CISD2: variants seen among roughly 807,000 people sequenced by gnomAD.
CISD2 encodes the protein CDGSH iron-sulfur domain-containing protein 2.
In CISD2, 1 loss-of-function variant was observed where a neutral mutation model predicts 12.9. The ratio of observed to expected loss-of-function variants is 0.08; its 90% CI spans 0.03 to 0.37. The LOEUF (loss-of-function observed/expected upper bound fraction) is 0.37, where lower values mean the gene tolerates loss of function less well. Ranked by LOEUF, CISD2 falls within the 10% of genes least tolerant of loss-of-function variation. The pLI, the probability that CISD2 is intolerant of heterozygous loss-of-function variation, is 0.99. For synonymous variants in CISD2, 50 were observed against 60.6 expected (o/e 0.83, Z 0.81); for missense variants, 97 against 163.1 (o/e 0.59, Z 2.21).
Position 102,890,301 on chromosome 4 carries a change from C to T in CISD2, c.*2871C>T, listed in dbSNP as rs776228466. On this transcript the variant is annotated 3_prime_UTR_variant, in exon 3 of 3. Transcript: ENST00000273986. ...CCAGCTGCTGATCTATATAGTACTA[C>T]CTTCCTCATTGTGATTCCATAGTCT... The T allele has an allele frequency of 6.6e-6, 1 of 152,182 alleles. No homozygotes were observed. The highest frequency in any genetic ancestry group is 2.4e-5 in the African/African-American group (1 of 41,442). 9.4% of individuals were successfully genotyped at this position (152,182 alleles called of 1,614,324 possible). A position where few individuals can be genotyped will look rare whatever the true frequency, so the allele number is the denominator to read the frequency against.
chr4:102,886,638 C>T (rs1227932058), intron 2 of CISD2, among the ~76,000 whole-genome samples: 1 of 151,846 alleles, frequency 6.6e-6, no homozygotes, highest in Non-Finnish European at 1.5e-5. Flanking sequence ...TTGCGGGGGA[C>T]AGAGTCTTGC....
chr4:102,869,009 T>C lies in CISD2; in HGVS notation c.-76T>C. ...AGGCCGCCAGTGCCCGCCGGCCGCT[T>C]CCGCTCCCGGCGCAGGCGCGGCAGC... On this transcript the variant is annotated 5_prime_UTR_variant, in exon 1 of 3. Transcript: ENST00000273986. 1 of 1,468,364 alleles carries C rather than the reference T, an allele frequency of 6.8e-7. No homozygotes were observed. The highest frequency in any genetic ancestry group is 9.0e-7 in the Non-Finnish European group (1 of 1,107,590). The allele number at this position is 1,468,364 out of a possible 1,614,324, so 91.0% of individuals were successfully genotyped here. A position where few individuals can be genotyped will look rare whatever the true frequency, so the allele number is the denominator to read the frequency against.
intron 1 of CISD2, among the ~76,000 whole-genome samples, chr4:102,884,554 T>C (rs1733814566): frequency 6.6e-6 from 1 of 152,230 alleles, no homozygotes; most frequent in Non-Finnish European, 1.5e-5. Context: ...GCATAGGGAC[T>C]GTTTCATTTG....
chr4:102,874,241 C>G (rs1441649869), intron 1 of CISD2, among the ~76,000 whole-genome samples: 1 of 151,862 alleles, frequency 6.6e-6, no homozygotes, highest in Non-Finnish European at 1.5e-5. Context: ...AACAGAAAAC[C>G]AAATAACACA....
Position 102,869,122 on chromosome 4 carries a change from A to G in CISD2, c.38A>G (p.Gln13Arg). Residue 13 changes from glutamine (Q) to arginine (R), a missense_variant, in exon 1 of 3, where the codon CAG becomes CGG. Gln to Arg is a conservative substitution (Grantham distance 43). Coordinates refer to ENST00000273986, the MANE Select transcript of CISD2 (RefSeq NM_001008388.5). ...LESVARIVKVQLPAYLKRLPV... is the reference protein window; with the variant it reads ...LESVARIVKVRLPAYLKRLPV... ...AGCGTGGCCCGTATCGTGAAGGTGC[A>G]GCTCCCTGCATATCTGAAGCGGCTC... is the stretch of plus-strand genomic sequence containing the variant. 1 of 1,612,944 alleles carries G rather than the reference A, an allele frequency of 6.2e-7. No homozygotes were observed. Among genetic ancestry groups the G allele is most frequent in the Non-Finnish European group, 8.5e-7 (1 of 1,179,600 alleles).
Position 102,892,034 on chromosome 4 carries a change from A to G in CISD2, c.*4604A>G, listed in dbSNP as rs190764358. 2.8e-4 allele frequency: 42 copies of G among 152,290 alleles called. No individual in the cohort carries two copies. Among genetic ancestry groups the G allele is most frequent in the African/African-American group, 9.6e-4 (40 of 41,566 alleles). 9.4% of individuals were successfully genotyped at this position (152,290 alleles called of 1,614,324 possible). On this transcript the variant is annotated 3_prime_UTR_variant, in exon 3 of 3. Coordinates refer to ENST00000273986, the MANE Select transcript of CISD2 (RefSeq NM_001008388.5). ...TACTGGAAACTTGCTATATTTGATC[A>G]TGTTCAGCAAGTAAACTAATTTTAT... is the stretch of plus-strand genomic sequence containing the variant.
At chr4:102,881,111 A>G (rs1013135389) in intron 1 of CISD2, among the ~76,000 whole-genome samples, 2 of 152,300 alleles carry the variant, frequency 1.3e-5, no homozygotes, top group East Asian at 1.9e-4. Flanking sequence ...AGAGACTAGC[A>G]CATGTAAAAT....
rs750094805 is a variant in CISD2, at chr4:102,869,215, A to G, written c.103+28A>G. 1.9e-6 allele frequency: 3 copies of G among 1,585,594 alleles called. No homozygotes were observed. In the East Asian group the frequency reaches 6.9e-5, roughly 37 times the overall value. On this transcript the variant is annotated intron_variant, in intron 1 of 2. Coordinates refer to ENST00000273986, the MANE Select transcript of CISD2 (RefSeq NM_001008388.5). The stretch of plus-strand genomic sequence containing the variant: ...AATCCTCCCCCATCAGCCAGTCCCC[A>G]TCCTTGCACGTTCGCCAAGCGGGGG...
At chr4:102,876,967 G>C (rs1314274537) in intron 1 of CISD2, among the ~76,000 whole-genome samples, 1 of 152,080 alleles carries the variant, frequency 6.6e-6, no homozygotes, top group Admixed American at 6.5e-5. Context: ...ACAGCATGGG[G>C]AAAACCACTC....
At chr4:102,881,480 T>G (rs1733720461) in intron 1 of CISD2, among the ~76,000 whole-genome samples, 6 of 152,234 alleles carry the variant, frequency 3.9e-5, no homozygotes, top group Admixed American at 3.9e-4. Context: ...ATATCCCAGT[T>G]ACACTGAGTT....
In CISD2 at chr4:102,888,588, A is replaced by G. The variant is rs1734062724; in HGVS notation, c.*1158A>G. Reference sequence around the variant, plus strand: ...ATCTTTAAAATTTTTGTGCTTTTTAATCCTACTATTATGAATCTTTTTAGT... The same window carrying G: ...ATCTTTAAAATTTTTGTGCTTTTTAGTCCTACTATTATGAATCTTTTTAGT... On this transcript the variant is annotated 3_prime_UTR_variant, in exon 3 of 3. Transcript: ENST00000273986. 1.3e-5 allele frequency: 2 copies of G among 152,258 alleles called. No individual in the cohort carries two copies. The highest frequency in any genetic ancestry group is 1.3e-4 in the Admixed American group (2 of 15,288). The allele number at this position is 152,258 out of a possible 1,614,324, so 9.4% of individuals were successfully genotyped here.
At chr4:102,876,555 CT>C (rs754567266) in intron 1 of CISD2, among the ~76,000 whole-genome samples, 14 of 152,134 alleles carry the variant, frequency 9.2e-5, no homozygotes, top group Non-Finnish European at 1.5e-4. Context: ...CGAGACCATC[CT>C]GGTCAACATG....
At chr4:102,873,731 A>G (rs1305799346) in intron 1 of CISD2, among the ~76,000 whole-genome samples, 11 of 138,334 alleles carry the variant, frequency 8.0e-5, no homozygotes, top group African/African-American at 2.8e-4. Context: ...ACCGTCTCAA[A>G]AAAAAAAAAA....
intron 2 of CISD2, among the ~76,000 whole-genome samples, chr4:102,885,643 C>A (rs1410181313): frequency 6.6e-6 from 1 of 152,140 alleles, no homozygotes; most frequent in Non-Finnish European, 1.5e-5. Flanking sequence ...AAATCTAATG[C>A]CTTCGCAATG....
chr4:102,880,105 G>A (rs928621579), intron 1 of CISD2, among the ~76,000 whole-genome samples: 4 of 151,974 alleles, frequency 2.6e-5, no homozygotes, highest in African/African-American at 4.8e-5. Context: ...ACCATGCCCA[G>A]CTAATTTTCT....
chr4:102,870,561 C>T (rs921036732), intron 1 of CISD2, among the ~76,000 whole-genome samples: 1 of 151,866 alleles, frequency 6.6e-6, no homozygotes, highest in South Asian at 2.1e-4. Context: ...AGAAAACATG[C>T]AATTGAATAG....
At chr4:102,878,549 T>C (rs981511987) in intron 1 of CISD2, among the ~76,000 whole-genome samples, 2 of 152,236 alleles carry the variant, frequency 1.3e-5, no homozygotes, top group African/African-American at 4.8e-5. Context: ...CATCAGTCTC[T>C]TGGGCAGGGG....
At chr4:102,873,362 C>T (rs1004700427) in intron 1 of CISD2, among the ~76,000 whole-genome samples, 4 of 152,114 alleles carry the variant, frequency 2.6e-5, no homozygotes, top group African/African-American at 9.7e-5. Context: ...GCCTTGACTT[C>T]ACAAGCTCAA....
At position 102,885,439 on chromosome 4, in the gene CISD2, TC is replaced by T; in HGVS notation, c.318+10del. Reference sequence around the variant, plus strand: ...GTTGGCGTTCTAAAACGGTAAGATGTCTGTTTACGTGTACACTAAAATTTTG... The same window carrying T: ...GTTGGCGTTCTAAAACGGTAAGATGTTGTTTACGTGTACACTAAAATTTTG... On this transcript the variant is annotated intron_variant, in intron 2 of 2. Transcript: ENST00000273986. The T allele has an allele frequency of 6.2e-7, 1 of 1,608,674 alleles. No individual in the cohort carries two copies. The highest frequency in any genetic ancestry group is 8.5e-7 in the Non-Finnish European group (1 of 1,175,288).
Sources: allele counts gnomAD v4.1 joint callset (sites outside exome capture counted in the v4.1 genomes callset), GRCh38; gene constraint gnomAD v4.1.1; transcripts MANE v1.5; gene names NCBI Gene and HGNC (gene_info 2026-07-23, HGNC 2026-07-21).